The following NOS3 variants were observed in gnomAD, a reference collection of about 807,000 sequenced individuals.
NOS3 encodes nitric oxide synthase 3, also known as NOS type III.
Under a neutral mutation model 144.9 loss-of-function variants are expected in NOS3, and 98 were observed. The ratio of observed to expected loss-of-function variants is 0.68; its 90% CI spans 0.57 to 0.80. NOS3 has a LOEUF of 0.80. Ranked by LOEUF, NOS3 falls within the 30% of genes least tolerant of loss-of-function variation. The pLI, the probability that NOS3 is intolerant of heterozygous loss-of-function variation, is 0.00. For missense variants in NOS3, 1,465 were observed against 1,656.4 expected, an observed-to-expected ratio of 0.88 and a Z score of 2.01; for synonymous variants, 714 against 702.4, an observed-to-expected ratio of 1.02 and a Z score of -0.26.
rs1065300 is a variant in NOS3, at chr7:151,012,340, T to C, written c.2985-11T>C. ...GGCAAAGGGGACCTGATGGAGTGTC[T>C]CTCCTGCCAGGGCTCCCTCCTTCCG... is the stretch of plus-strand genomic sequence containing the variant. On this transcript the variant is annotated splice_polypyrimidine_tract_variant and intron_variant, in intron 23 of 26. Transcript: ENST00000297494. 1 of 1,550,176 alleles carries C rather than the reference T, an allele frequency of 6.5e-7. No homozygotes were observed. The highest frequency in any genetic ancestry group is 8.7e-7 in the Non-Finnish European group (1 of 1,145,238).
chr7:151,008,094 A>G (rs1795233727), intron 17 of NOS3, among the ~76,000 whole-genome samples: 1 of 152,162 alleles, frequency 6.6e-6, no homozygotes, highest in Admixed American at 6.5e-5. Flanking sequence ...GAGCCATTGC[A>G]GCGGGATGAG....
At position 150,999,090 on chromosome 7, in the gene NOS3, G is replaced by A. The variant is rs754215896; in HGVS notation, c.956+5G>A. On this transcript the variant is annotated splice_donor_5th_base_variant and intron_variant, in intron 8 of 26. Coordinates refer to ENST00000297494, the MANE Select transcript of NOS3 (RefSeq NM_000603.5). ...GGTGCCCCTGGAGCACCCCACGTGA[G>A]CACCAAAGGGATTGACTGGGTGGGA... 1.9e-6 allele frequency: 3 copies of A among 1,612,620 alleles called. No homozygotes were observed. Among genetic ancestry groups the A allele is most frequent in the East Asian group, 2.2e-5 (1 of 44,880 alleles).
At chr7:151,008,595 G>A (rs1348521641) in intron 17 of NOS3, among the ~76,000 whole-genome samples, 2 of 152,202 alleles carry the variant, frequency 1.3e-5, no homozygotes, top group East Asian at 1.9e-4. Context: ...CTGTAAGTAC[G>A]GGATTCGGAA....
Position 151,003,203 on chromosome 7 carries a change from G to A in NOS3, c.1752+899G>A, listed in dbSNP as rs79467411. On this transcript the variant is annotated intron_variant, in intron 14 of 26. Transcript: ENST00000297494. The surrounding 1 kb of genome is among the most constrained non-coding windows in gnomAD (Gnocchi z 4.1). ...TGCAGTAGTACAATCACGGCTCACTGCAGCCTCAACCTCCTAGACTCAAGC... is the reference window on the plus strand; with the variant it reads ...TGCAGTAGTACAATCACGGCTCACTACAGCCTCAACCTCCTAGACTCAAGC... The A allele has an allele frequency of 0.096, 43,383 of 452,870 alleles. 2,419 individuals are homozygous for A. The highest frequency in any genetic ancestry group is 0.15 in the African/African-American group (7,329 of 50,006). The allele number at this position is 452,870 out of a possible 1,614,324, so 28.1% of individuals were successfully genotyped here. A position where few individuals can be genotyped will look rare whatever the true frequency, so the allele number is the denominator to read the frequency against.
At chr7:150,995,367 C>T in intron 3 of NOS3, 53 bp downstream of exon 3, 1 of 1,295,206 alleles carries the variant, frequency 7.7e-7, no homozygotes, top group African/African-American at 1.5e-5. Flanking sequence ...GTGGGTAAGG[C>T]CTGGCCTCAG....
At chr7:151,001,693 C>G in intron 12 of NOS3, 76 bp downstream of exon 12, 2 of 1,566,206 alleles carry the variant, frequency 1.3e-6, no homozygotes, top group Non-Finnish European at 1.8e-6. Context: ...CTGGGGGACC[C>G]TGCCCCAGCA....
chr7:151,008,257 A>G (rs765531775), intron 17 of NOS3, among the ~76,000 whole-genome samples: 1 of 152,090 alleles, frequency 6.6e-6, no homozygotes. Flanking sequence ...AGGAAGAGAT[A>G]TAAGACTTCA....
At chr7:151,009,152 A>G (rs766504982) in intron 18 of NOS3, 37 bp from the exon 19 acceptor site, 5 of 1,613,066 alleles carry the variant, frequency 3.1e-6, no homozygotes, top group South Asian at 1.1e-5. Context: ...CCTGCTCCCT[A>G]GCTCAGGCTG....
Position 150,998,174 on chromosome 7 carries a change from G to A in NOS3, c.583-183G>A, listed in dbSNP as rs776826458. On this transcript the variant is annotated intron_variant, in intron 5 of 26. Transcript: ENST00000297494. This position sits in a 1 kb window ranked among gnomAD's most constrained non-coding sequence, Gnocchi z 5.0. ...CCAGGGAGGAGATGAGAAGCAGCCC[G>A]GATGGTGCTACATATGTCAGAGAGC... Among the ~76,000 whole-genome samples the A allele has an allele frequency of 6.6e-5, 10 of 152,136 alleles. No individual in the cohort carries two copies. The highest frequency in any genetic ancestry group is 2.9e-5 in the Non-Finnish European group (2 of 68,008).
Position 151,014,331 on chromosome 7 carries a change from G to T in NOS3, c.*162G>T. On this transcript the variant is annotated 3_prime_UTR_variant, in exon 27 of 27. Transcript: ENST00000297494. ...TTATTCCTCCAGGAAGGAGCAAAACGCCTCTTTTCCCTCTCTAGGCCTGTT... is the reference window on the plus strand; with the variant it reads ...TTATTCCTCCAGGAAGGAGCAAAACTCCTCTTTTCCCTCTCTAGGCCTGTT... 1 of 801,816 alleles carries T rather than the reference G, an allele frequency of 1.2e-6. No individual in the cohort carries two copies. The highest frequency in any genetic ancestry group is 1.9e-6 in the Non-Finnish European group (1 of 524,750). The allele number at this position is 801,816 out of a possible 1,614,324, so 49.7% of individuals were successfully genotyped here.
At chr7:151,008,893 G>T in intron 17 of NOS3, 37 bp from the exon 18 acceptor site, 7 of 1,571,062 alleles carry the variant, frequency 4.5e-6, no homozygotes, top group Non-Finnish European at 6.0e-6. Flanking sequence ...ACCCCTGGTG[G>T]CGGGAGGTCC....
rs767114986 is a variant in NOS3, at chr7:150,996,504, T to G, written c.371T>G (p.Leu124Arg). The G allele has an allele frequency of 1.3e-5, 21 of 1,606,142 alleles. No individual in the cohort carries two copies. The African/African-American group carries it at 2.1e-4, about 16-fold the overall frequency. ...SPGPPAPEQL[L>R]SQARDFINQY... ...GGCCCCCCGGCCCCTGAGCAGCTGCTGAGTCAGGCCCGGGACTTCATCAAC... is the reference window on the plus strand; with the variant it reads ...GGCCCCCCGGCCCCTGAGCAGCTGCGGAGTCAGGCCCGGGACTTCATCAAC... The change falls in exon 4 of 27, where the codon CTG (leucine) becomes CGG (arginine). Residue 124 changes from leucine (L) to arginine (R), a missense_variant. Physicochemically the swap from Leu to Arg is moderately radical, Grantham distance 102. This residue lies in a region of NOS3 where 374 missense variants were observed against 377.0 expected (regional missense o/e 0.99). Transcript: ENST00000297494.
intron 23 of NOS3, chr7:151,011,682 C>T (rs906892453): frequency 6.3e-5 from 15 of 237,564 alleles, no homozygotes; most frequent in South Asian, 2.9e-4. Flanking sequence ...CCCACCACCA[C>T]GCCCAGCTAA....
intron 5 of NOS3, 29 bp downstream of exon 5, chr7:150,996,954 G>C (rs1363238526): frequency 1.9e-6 from 3 of 1,542,106 alleles, no homozygotes; most frequent in African/African-American, 1.4e-5. Flanking sequence ...TGAGAGACCC[G>C]GGCGCTACCA....
chr7:151,001,506 T>C, intron 11 of NOS3, 38 bp from the exon 12 acceptor site: 1 of 1,611,498 alleles, frequency 6.2e-7, no homozygotes, highest in Non-Finnish European at 8.5e-7. Context: ...CCTTTCCTTT[T>C]CTTTACCTCC....
At position 151,000,539 on chromosome 7, in the gene NOS3, G is replaced by A. The variant is rs1348699716; in HGVS notation, c.1173G>A (p.Ser391=). 1.9e-6 allele frequency: 3 copies of A among 1,613,562 alleles called. No homozygotes were observed. The highest frequency in any genetic ancestry group is 1.1e-5 in the South Asian group (1 of 91,078). Reference sequence around the variant, plus strand: ...TGGACCTGGATACCCGGACCACCTCGTCCCTGTGGAAAGACAAGGCAGCAG... The same window carrying A: ...TGGACCTGGATACCCGGACCACCTCATCCCTGTGGAAAGACAAGGCAGCAG... The part of the protein sequence containing the change: ...VCMDLDTRTT[S]SLWKDKAAVE... Residue 391 remains serine (S), a synonymous_variant, in exon 10 of 27, where the codon TCG becomes TCA. Transcript: ENST00000297494.
chr7:151,006,186 G>A (rs1795204012), intron 14 of NOS3, among the ~76,000 whole-genome samples: 1 of 152,202 alleles, frequency 6.6e-6, no homozygotes, highest in South Asian at 2.1e-4. Context: ...AGGGCTGGAA[G>A]GTTAACACCT....
At chr7:151,004,695 G>A (rs3918181) in intron 14 of NOS3, among the ~76,000 whole-genome samples, 52,829 of 152,032 alleles carry the variant, frequency 0.35, 9,487 homozygotes, top group African/African-American at 0.38. Flanking sequence ...AATACATACT[G>A]TACTACAGGG....
chr7:150,995,252 C>T lies in NOS3; in HGVS notation c.208C>T (p.Arg70Cys), dbSNP rs772393632. ...TQPPEGPKFP[R>C]VKNWEVGSIT... ...GCCCCCAGAGGGGCCCAAGTTCCCT[C>T]GTGTGAAGAACTGGGAGGTGGGGAG... The change falls in exon 3 of 27, where the codon CGT becomes TGT. Residue 70 changes from arginine (R) to cysteine (C), a missense_variant. Arg to Cys is a radical substitution (Grantham distance 180). Around this residue, in one of 5 missense-constraint regions of NOS3, gnomAD observed 374 missense variants for 377.0 expected, o/e 0.99. Coordinates refer to ENST00000297494, the MANE Select transcript of NOS3 (RefSeq NM_000603.5). 5.0e-6 allele frequency: 8 copies of T among 1,611,524 alleles called. No homozygotes were observed. The highest frequency in any genetic ancestry group is 3.3e-5 in the South Asian group (3 of 91,044).
Sources: gnomAD v4.1 joint callset for allele counts (sites outside exome capture counted in the v4.1 genomes callset) on GRCh38, gnomAD v4.1.1 for gene constraint, gnomAD v4.1.1 regional missense constraint, Gnocchi (gnomAD v3.1) non-coding constraint, MANE v1.5 for transcripts, NCBI Gene and HGNC (gene_info 2026-07-23, HGNC 2026-07-21) for gene names.